The following COX6A1 variants were observed in gnomAD, a reference collection of about 807,000 sequenced individuals.
COX6A1 encodes cytochrome c oxidase subunit 6A1.
A neutral mutation model predicts 11.3 loss-of-function variants in COX6A1; 10 were observed. That is an observed-to-expected ratio of 0.88 (90% CI 0.54 to 1.50). The LOEUF is 1.50. Among genes scored for constraint, COX6A1 ranks in the 40% most tolerant of loss-of-function variants. The pLI, the probability that COX6A1 is intolerant of heterozygous loss-of-function variation, is 0.00. For synonymous variants in COX6A1, 81 were observed against 60.6 expected, an observed-to-expected ratio of 1.34 and a Z score of -1.57; for missense variants, 149 against 147.6, an observed-to-expected ratio of 1.01 and a Z score of -0.05.
intron 1 of COX6A1, 45 bp from the exon 2 acceptor site, chr12:120,438,334 G>A: frequency 6.2e-7 from 1 of 1,613,952 alleles, no homozygotes. Context: ...AGTGAGACCC[G>A]GGCCCGCCCC....
chr12:120,438,842 T>G (rs1877646302), intron 2 of COX6A1: 1 of 267,314 alleles, frequency 3.7e-6, no homozygotes, highest in Non-Finnish European at 7.0e-6. Flanking sequence ...GAAACAGGTG[T>G]CCGTTGTGTA....
Position 120,438,188 on chromosome 12 carries a change from G to T in COX6A1, c.62G>T (p.Gly21Val). Residue 21 changes from glycine (G) to valine (V), a missense_variant, in exon 1 of 3, where the codon GGG (glycine) becomes GTG (valine). Physicochemically the swap from Gly to Val is moderately radical, Grantham distance 109 (BLOSUM62 -3). Coordinates refer to ENST00000229379, the MANE Select transcript of COX6A1 (RefSeq NM_004373.4). ...RLLGRSRPQL[G>V]RPMSSGAHGE... ...CTGGGTCGGTCCCGCCCACAGCTGG[G>T]GCGGCCTATGTCGAGTGGCGCCCAT... is the stretch of plus-strand genomic sequence containing the variant. 2 of 1,614,000 alleles carry T rather than the reference G, an allele frequency of 1.2e-6. No individual in the cohort carries two copies. Among genetic ancestry groups the T allele is most frequent in the South Asian group, 1.1e-5 (1 of 91,068 alleles).
In COX6A1 at chr12:120,438,368, C is replaced by T. The variant is rs1480841668; in HGVS notation, c.104-11C>T. On this transcript the variant is annotated splice_polypyrimidine_tract_variant and intron_variant, in intron 1 of 2. Transcript: ENST00000229379. ...CCATACCGGCGCTGAACGTTTGTGGCTTCTCCGCAGCTCGCATGTGGAAGA... is the reference window on the plus strand; with the variant it reads ...CCATACCGGCGCTGAACGTTTGTGGTTTCTCCGCAGCTCGCATGTGGAAGA... The T allele has an allele frequency of 2.5e-6, 4 of 1,614,204 alleles. No homozygotes were observed. The highest frequency in any genetic ancestry group is 2.2e-5 in the East Asian group (1 of 44,884).
At chr12:120,438,850 G>A in intron 2 of COX6A1, 1 of 228,488 alleles carries the variant, frequency 4.4e-6, no homozygotes, top group Non-Finnish European at 7.8e-6. Context: ...TGTCCGTTGT[G>A]TAAAGCCTGG....
At chr12:120,439,419 C>T (rs1877660789) in intron 2 of COX6A1, among the ~76,000 whole-genome samples, 1 of 151,904 alleles carries the variant, frequency 6.6e-6, no homozygotes, top group African/African-American at 2.4e-5. Flanking sequence ...CCCAGCTACT[C>T]GGGAGGCTGC....
rs1877619943 is a variant in COX6A1 at position 120,438,239 on chromosome 12, C to T, written c.103+10C>T. 6.2e-7 allele frequency: 1 copy of T among 1,612,782 alleles called. No individual in the cohort carries two copies. Reference sequence around the variant, plus strand: ...GGCGAAGAGGGCTCAGGTACTGGGGCCGGGGTCGACGGGTCGAGCCTCAGC... The same window carrying T: ...GGCGAAGAGGGCTCAGGTACTGGGGTCGGGGTCGACGGGTCGAGCCTCAGC... On this transcript the variant is annotated intron_variant, in intron 1 of 2. Transcript: ENST00000229379.
Position 120,440,257 on chromosome 12 carries a change from C to T in COX6A1, c.247-197C>T. On this transcript the variant is annotated intron_variant, in intron 2 of 2. Transcript: ENST00000229379. Reference sequence around the variant, plus strand: ...TCTGGAATTAAAACTGTCCTGTAGCCAGGATAACTTTAAGGGCTCCCCTGG... The same window carrying T: ...TCTGGAATTAAAACTGTCCTGTAGCTAGGATAACTTTAAGGGCTCCCCTGG... 1.4e-5 allele frequency: 7 copies of T among 502,584 alleles called. No individual in the cohort carries two copies. In the South Asian group the frequency reaches 1.8e-4, roughly 13 times the overall value. 31.1% of individuals were successfully genotyped at this position (502,584 alleles called of 1,614,324 possible).
intron 2 of COX6A1, chr12:120,440,078 A>T (rs1427279013): frequency 1.3e-5 from 2 of 157,194 alleles, no homozygotes; most frequent in Non-Finnish European, 2.8e-5. Flanking sequence ...TCTGCATTTA[A>T]TTAAGCATCT....
In COX6A1 at chr12:120,438,139, G is replaced by C; in HGVS notation, c.13G>C (p.Gly5Arg). The C allele has an allele frequency of 6.2e-7, 1 of 1,613,500 alleles. No homozygotes were observed. The highest frequency in any genetic ancestry group is 1.1e-5 in the South Asian group (1 of 91,026). The change falls in exon 1 of 3, where the codon GGT (glycine) becomes CGT (arginine). Residue 5 changes from glycine to arginine, a missense_variant. By Grantham distance (125) the Gly-to-Arg change is moderately radical. Transcript: ENST00000229379. The stretch of plus-strand genomic sequence containing the variant: ...GTCCAGATCAAAAATGGCGGTAGTT[G>C]GTGTGTCCTCGGTTTCTCGGCTGCT... MAVV[G>R]VSSVSRLLGR...
intron 2 of COX6A1, chr12:120,440,194 C>CT: frequency 5.5e-6 from 2 of 361,818 alleles, no homozygotes; most frequent in Non-Finnish European, 1.0e-5. Flanking sequence ...TGATGAGTAA[C>CT]TAACTTGAGC....
intron 2 of COX6A1, 78 bp from the exon 3 acceptor site, chr12:120,440,376 C>T (rs1877692786): frequency 1.8e-6 from 2 of 1,099,772 alleles, no homozygotes; most frequent in Non-Finnish European, 2.8e-6. Context: ...GATCTGTCAC[C>T]CCGTTATAAG....
intron 2 of COX6A1, among the ~76,000 whole-genome samples, chr12:120,439,446 AG>A (rs1877668380): frequency 6.6e-6 from 1 of 151,946 alleles, no homozygotes; most frequent in Admixed American, 6.6e-5. Context: ...AGAATCTAGG[AG>A]GTTGAACCCA....
At chr12:120,439,116 T>A (rs1877652418) in intron 2 of COX6A1, among the ~76,000 whole-genome samples, 1 of 152,354 alleles carries the variant, frequency 6.6e-6, no homozygotes, top group African/African-American at 2.4e-5. Context: ...CTGACAGCTT[T>A]CTCTATTCCC....
chr12:120,438,677 C>G, intron 2 of COX6A1, 156 bp downstream of exon 2: 1 of 965,438 alleles, frequency 1.0e-6, no homozygotes, highest in Non-Finnish European at 1.6e-6. Context: ...TGTGGATGGA[C>G]AGCTGACACT....
rs1268967891 is a variant in COX6A1 at position 120,438,234 on chromosome 12, T to A, written c.103+5T>A. The A allele has an allele frequency of 6.2e-7, 1 of 1,613,198 alleles. No individual in the cohort carries two copies. Among genetic ancestry groups the A allele is most frequent in the African/African-American group, 1.3e-5 (1 of 74,892 alleles). On this transcript the variant is annotated splice_donor_5th_base_variant and intron_variant, in intron 1 of 2. Transcript: ENST00000229379. ...CCCATGGCGAAGAGGGCTCAGGTAC[T>A]GGGGCCGGGGTCGACGGGTCGAGCC... is the stretch of plus-strand genomic sequence containing the variant.
At chr12:120,438,768 T>G in intron 2 of COX6A1, 4 of 332,686 alleles carry the variant, frequency 1.2e-5, no homozygotes, top group Non-Finnish European at 1.1e-5. Context: ...TCATCCTACC[T>G]CCTGCCTTCT....
chr12:120,440,392 C>G, intron 2 of COX6A1, 62 bp from the exon 3 acceptor site: 1 of 1,305,874 alleles, frequency 7.7e-7, no homozygotes, highest in Non-Finnish European at 1.1e-6. Context: ...ATAAGCAGTT[C>G]ATGACGGTGT....
rs138997341 is a variant in COX6A1, at chr12:120,440,462, C to T, written c.255C>T (p.Pro85=). 9.3e-6 allele frequency: 15 copies of T among 1,612,464 alleles called. No homozygotes were observed. The highest frequency in any genetic ancestry group is 1.1e-5 in the Non-Finnish European group (13 of 1,178,672). Reference sequence around the variant, plus strand: ...ACATCTTCACTCCACAGCCGTTTCCCTGGGGAGATGGTAACCATACTCTAT... The same window carrying T: ...ACATCTTCACTCCACAGCCGTTTCCTTGGGGAGATGGTAACCATACTCTAT... ...PHLRIRTKPF[P]WGDGNHTLFH... is the part of the protein sequence containing the mutation. The change falls in exon 3 of 3, where the codon CCC becomes CCT. Residue 85 remains proline, a synonymous_variant. Coordinates refer to ENST00000229379, the MANE Select transcript of COX6A1 (RefSeq NM_004373.4).
rs942140308 is a variant in COX6A1, at chr12:120,440,599, G to C, written c.*62G>C. ...CAGCACTGGTTTGGACCGTTACTCT[G>C]CACATGGACCAGAAAAAGTATATGG... On this transcript the variant is annotated 3_prime_UTR_variant, in exon 3 of 3. Transcript: ENST00000229379. 13 of 1,288,566 alleles carry C rather than the reference G, an allele frequency of 1.0e-5. No homozygotes were observed. The highest frequency in any genetic ancestry group is 1.5e-5 in the African/African-American group (1 of 68,098). 79.8% of individuals were successfully genotyped at this position (1,288,566 alleles called of 1,614,324 possible). A position where few individuals can be genotyped will look rare whatever the true frequency, so the allele number is the denominator to read the frequency against.
Sources: gnomAD v4.1 joint callset for allele counts (sites outside exome capture counted in the v4.1 genomes callset) on GRCh38, gnomAD v4.1.1 for gene constraint, MANE v1.5 for transcripts, NCBI Gene and HGNC (gene_info 2026-07-23, HGNC 2026-07-21) for gene names.